Variants in HGSNAT observed in about 807,000 individuals in gnomAD.
The protein encoded by HGSNAT is heparan-alpha-glucosaminide N-acetyltransferase.
In HGSNAT, 59 loss-of-function variants were observed where a neutral mutation model predicts 85.2. That is an observed-to-expected ratio of 0.69 (90% CI 0.56 to 0.86). The LOEUF (loss-of-function observed/expected upper bound fraction) is 0.86, where lower values mean the gene tolerates loss of function less well. HGSNAT is among the 40% of genes least tolerant of loss of function. HGSNAT has a pLI of 0.00. For missense variants in HGSNAT, 756 were observed against 777.1 expected, an observed-to-expected ratio of 0.97 and a Z score of 0.32; for synonymous variants, 321 against 304.5, an observed-to-expected ratio of 1.05 and a Z score of -0.56.
In HGSNAT at chr8:43,158,556, G is replaced by C. The variant is rs1271459159; in HGVS notation, c.235-19G>C. ...TTGAAAAACCTCTGGCGGTTGACCT[G>C]TTGTGCTTTTATTTACAGTGCTTGT... On this transcript the variant is annotated intron_variant, in intron 2 of 17. Coordinates refer to ENST00000379644, the MANE Select transcript of HGSNAT (RefSeq NM_152419.3). 6.2e-7 allele frequency: 1 copy of C among 1,613,806 alleles called. No homozygotes were observed. The highest frequency in any genetic ancestry group is 1.7e-5 in the Admixed American group (1 of 60,012).
intron 2 of HGSNAT, among the ~76,000 whole-genome samples, chr8:43,151,605 A>C (rs757790314): frequency 2.0e-5 from 3 of 152,250 alleles, no homozygotes; most frequent in African/African-American, 7.2e-5. Context: ...AGCAGGGATT[A>C]TGTATTCTAC....
chr8:43,169,556 G>A (rs764963890), intron 6 of HGSNAT, among the ~76,000 whole-genome samples: 21 of 152,162 alleles, frequency 1.4e-4, no homozygotes, highest in Non-Finnish European at 2.6e-4. Context: ...AAAGAAATAA[G>A]AGACAACAAT....
At chr8:43,175,649 T>C (rs1247016486) in intron 9 of HGSNAT, among the ~76,000 whole-genome samples, 1 of 141,932 alleles carries the variant, frequency 7.0e-6, no homozygotes, top group Non-Finnish European at 1.5e-5. Context: ...CATTGCAACC[T>C]CTGCCTCCTG....
At chr8:43,169,619 A>C (rs1803548636) in intron 6 of HGSNAT, among the ~76,000 whole-genome samples, 1 of 152,194 alleles carries the variant, frequency 6.6e-6, no homozygotes, top group Non-Finnish European at 1.5e-5. Flanking sequence ...TATGTCATTA[A>C]ATTTTTGTTA....
chr8:43,189,226 C>G (rs772018617), intron 11 of HGSNAT, among the ~76,000 whole-genome samples: 1 of 152,196 alleles, frequency 6.6e-6, no homozygotes, highest in Non-Finnish European at 1.5e-5. Flanking sequence ...TGCCCTGCCC[C>G]CAGAGGTGGA....
intron 2 of HGSNAT, among the ~76,000 whole-genome samples, chr8:43,154,196 T>C (rs1803013622): frequency 1.3e-5 from 2 of 152,236 alleles, no homozygotes; most frequent in South Asian, 4.1e-4. Context: ...TGTATTACTT[T>C]TTTTTTCTTT....
rs145812110 is a variant in HGSNAT at position 43,195,268 on chromosome 8, G to T, written c.1464+1425G>T. Among the ~76,000 whole-genome samples, 854 of 152,006 alleles carry T rather than the reference G, an allele frequency of 5.6e-3. 12 individuals carry two copies. Among genetic ancestry groups the T allele is most frequent in the African/African-American group, 0.02 (819 of 41,426 alleles). On this transcript the variant is annotated intron_variant, in intron 14 of 17. Transcript: ENST00000379644. ...AACTTAAACACTAATAGCCTGCTGTGGACCCAAAGCCTTACCAATAACATC... is the reference window on the plus strand; with the variant it reads ...AACTTAAACACTAATAGCCTGCTGTTGACCCAAAGCCTTACCAATAACATC...
intron 9 of HGSNAT, among the ~76,000 whole-genome samples, chr8:43,175,716 C>T (rs556505459): frequency 1.3e-5 from 2 of 151,752 alleles, no homozygotes; most frequent in African/African-American, 2.4e-5. Context: ...CAGGTGCGCA[C>T]CACCACACCT....
intron 10 of HGSNAT, among the ~76,000 whole-genome samples, chr8:43,178,776 G>T (rs980833721): frequency 6.7e-6 from 1 of 149,096 alleles, no homozygotes; most frequent in African/African-American, 2.5e-5. Flanking sequence ...CAGTGTTTGT[G>T]TCCCTGGGTA....
At chr8:43,169,435 T>A (rs1803542474) in intron 6 of HGSNAT, among the ~76,000 whole-genome samples, 193 bp downstream of exon 6, 1 of 152,228 alleles carries the variant, frequency 6.6e-6, no homozygotes, top group African/African-American at 2.4e-5. Context: ...CTTGCTTCAG[T>A]GACATTGGAA....
chr8:43,202,477 G>T lies in HGSNAT; in HGVS notation c.*2908G>T, dbSNP rs1388077410. On this transcript the variant is annotated 3_prime_UTR_variant, in exon 18 of 18. Transcript: ENST00000379644. Reference sequence around the variant, plus strand: ...GGTAGAGCAGAGGAATGGTCAGGGGGCAACAACCGCTGACAGCTGCAACAG... The same window carrying T: ...GGTAGAGCAGAGGAATGGTCAGGGGTCAACAACCGCTGACAGCTGCAACAG... 3 of 152,230 alleles carry T rather than the reference G, an allele frequency of 2.0e-5. No homozygotes were observed. Among genetic ancestry groups the T allele is most frequent in the Non-Finnish European group, 2.9e-5 (2 of 68,060 alleles). 9.4% of individuals were successfully genotyped at this position (152,230 alleles called of 1,614,324 possible).
At chr8:43,159,741 G>T (rs1198888055) in intron 4 of HGSNAT, among the ~76,000 whole-genome samples, 1 of 152,174 alleles carries the variant, frequency 6.6e-6, no homozygotes, top group East Asian at 1.9e-4. Context: ...TGAGCGTATA[G>T]TATTTCCTGT....
intron 8 of HGSNAT, 107 bp downstream of exon 8, chr8:43,172,493 G>T: frequency 1.3e-6 from 1 of 797,986 alleles, no homozygotes. Flanking sequence ...ATGAGCCCCA[G>T]CAGCCTCCTC....
chr8:43,150,095 T>C (rs565116528), intron 2 of HGSNAT, among the ~76,000 whole-genome samples: 91 of 152,198 alleles, frequency 6.0e-4, no homozygotes, highest in African/African-American at 2.1e-3. Context: ...TAGTTGGGAC[T>C]ACAGGCGCCC....
chr8:43,158,152 G>A (rs1042271664), intron 2 of HGSNAT, among the ~76,000 whole-genome samples: 1 of 152,050 alleles, frequency 6.6e-6, no homozygotes, highest in African/African-American at 2.4e-5. Flanking sequence ...AGGCTGGAGT[G>A]CAGTGGCGTG....
intron 9 of HGSNAT, among the ~76,000 whole-genome samples, chr8:43,175,557 C>CTTTTTTTTTT (rs572939859): frequency 2.5e-4 from 16 of 63,142 alleles, no homozygotes; most frequent in Admixed American, 3.8e-4. Flanking sequence ...CTTTTGTCCT[C>CTTTTTTTTTT]TTTTTTTTTT....
At chr8:43,150,979 TTGA>T in intron 2 of HGSNAT, among the ~76,000 whole-genome samples, 1 of 152,154 alleles carries the variant, frequency 6.6e-6, no homozygotes, top group Non-Finnish European at 1.5e-5. Context: ...CTTGTACTTT[TTGA>T]TGAAGTAGAT....
intron 11 of HGSNAT, among the ~76,000 whole-genome samples, chr8:43,183,515 G>C (rs1804205486): frequency 1.3e-5 from 2 of 151,038 alleles, no homozygotes; most frequent in African/African-American, 4.9e-5. Context: ...CTGTCCGCCA[G>C]GCTGGAGTGC....
At chr8:43,173,244 C>G (rs1198913326) in intron 8 of HGSNAT, among the ~76,000 whole-genome samples, 1 of 152,194 alleles carries the variant, frequency 6.6e-6, no homozygotes, top group Non-Finnish European at 1.5e-5. Context: ...CCCACCTTAG[C>G]CTCCCAAAGT....
Sources: gnomAD v4.1 joint callset for allele counts (sites outside exome capture counted in the v4.1 genomes callset) on GRCh38, gnomAD v4.1.1 for gene constraint, MANE v1.5 for transcripts, NCBI Gene and HGNC (gene_info 2026-07-23, HGNC 2026-07-21) for gene names.